Variants in KIF5C observed in about 807,000 individuals in gnomAD.
KIF5C encodes the protein kinesin family member 5C.
In KIF5C, 18 loss-of-function variants were observed where a neutral mutation model predicts 125.2. The ratio of observed to expected loss-of-function variants is 0.14; its 90% CI spans 0.10 to 0.21. KIF5C has a LOEUF of 0.21. Among genes scored for constraint, KIF5C ranks in the 10% least tolerant of loss-of-function variants. KIF5C has a pLI of 1.00. For synonymous variants in KIF5C, 405 were observed against 434.0 expected, an observed-to-expected ratio of 0.93 and a Z score of 0.83; for missense variants, 780 against 1,183.8, an observed-to-expected ratio of 0.66 and a Z score of 5.01.
intron 12 of KIF5C, among the ~76,000 whole-genome samples, chr2:148,978,668 A>G (rs1474187109): frequency 6.6e-6 from 1 of 152,188 alleles, no homozygotes; most frequent in Non-Finnish European, 1.5e-5. Context: ...TGATTTCTCA[A>G]TGAGCAGGAA....
intron 19 of KIF5C, chr2:148,998,794 C>T (rs1681755238): frequency 3.4e-6 from 1 of 296,796 alleles, no homozygotes; most frequent in Non-Finnish European, 6.1e-6. Context: ...GGACGCATGC[C>T]CCAGTAGATG....
chr2:148,888,734 T>G (rs1681624838), intron 1 of KIF5C: 1 of 151,882 alleles, frequency 6.6e-6, no homozygotes, highest in African/African-American at 2.4e-5. Flanking sequence ...CCACCCTACA[T>G]CTTCCATTTT....
intron 10 of KIF5C, among the ~76,000 whole-genome samples, chr2:148,956,604 C>CAA (rs1021831382): frequency 6.6e-6 from 1 of 151,974 alleles, no homozygotes; most frequent in African/African-American, 2.4e-5. Flanking sequence ...TGAAGCAAGC[C>CAA]AAAACAAGGA....
chr2:149,017,451 C>T (rs1682397444), intron 25 of KIF5C, among the ~76,000 whole-genome samples: 1 of 152,136 alleles, frequency 6.6e-6, no homozygotes. Flanking sequence ...TTCTTTGCAG[C>T]CCCACACTTA....
chr2:148,893,544 A>G (rs1366557611), intron 1 of KIF5C, among the ~76,000 whole-genome samples: 1 of 152,176 alleles, frequency 6.6e-6, no homozygotes, highest in Non-Finnish European at 1.5e-5. Flanking sequence ...TTCGAGTGCC[A>G]TTCCCATCTA....
chr2:149,003,220 C>G (rs1435427437), intron 21 of KIF5C, among the ~76,000 whole-genome samples: 2 of 152,272 alleles, frequency 1.3e-5, no homozygotes, highest in Non-Finnish European at 2.9e-5. Flanking sequence ...GAAATAGACG[C>G]ACTGTCCTTG....
At position 149,025,313 on chromosome 2, in the gene KIF5C, C is replaced by T. The variant is rs1455078247; in HGVS notation, c.*2243C>T. On this transcript the variant is annotated 3_prime_UTR_variant, in exon 26 of 26. Transcript: ENST00000435030. ...ATCAGCCAGTCAGTTCACCTAGCTT[C>T]AATCTTTATAGGACTTCTAATCTAA... The T allele has an allele frequency of 1.3e-5, 2 of 152,616 alleles. No homozygotes were observed. The highest frequency in any genetic ancestry group is 1.9e-4 in the East Asian group (1 of 5,196). 9.5% of individuals were successfully genotyped at this position (152,616 alleles called of 1,614,324 possible).
At chr2:148,950,587 T>C (rs1022548352) in intron 10 of KIF5C, 125 bp downstream of exon 10, 3 of 1,335,536 alleles carry the variant, frequency 2.2e-6, no homozygotes, top group Non-Finnish European at 2.9e-6. Flanking sequence ...GGCGGGTGGA[T>C]TGCCTGAGGT....
chr2:148,998,494 T>C lies in KIF5C; in HGVS notation c.2195T>C (p.Ile732Thr), dbSNP rs1558940260. The C allele has an allele frequency of 3.2e-6, 5 of 1,557,380 alleles. No homozygotes were observed. Among genetic ancestry groups the C allele is most frequent in the South Asian group, 1.2e-5 (1 of 84,254 alleles). ...RDEIEEKQKIIDEIRDLNQKL... is the reference protein window; with the variant it reads ...RDEIEEKQKITDEIRDLNQKL... ...GAAATTGAGGAGAAGCAGAAAATCA[T>C]TGATGAGATTCGGGAGTGAGTCGGC... Residue 732 changes from isoleucine (I) to threonine (T), a missense_variant, in exon 19 of 26, where the codon ATT becomes ACT. Transcript: ENST00000435030.
intron 1 of KIF5C, among the ~76,000 whole-genome samples, chr2:148,904,002 A>G (rs1257592914): frequency 1.3e-5 from 2 of 152,218 alleles, no homozygotes; most frequent in Non-Finnish European, 2.9e-5. Context: ...GCTACTCGCC[A>G]TAAAATGTGA....
chr2:148,971,998 G>A (rs1680926505), intron 11 of KIF5C, among the ~76,000 whole-genome samples: 2 of 152,050 alleles, frequency 1.3e-5, no homozygotes, highest in East Asian at 1.9e-4. Context: ...GCAATGGCGC[G>A]ATCTCGGCTC....
At chr2:149,008,760 A>G (rs1299499212) in intron 23 of KIF5C, among the ~76,000 whole-genome samples, 2 of 152,158 alleles carry the variant, frequency 1.3e-5, no homozygotes, top group African/African-American at 2.4e-5. Context: ...CCAAGTTTTT[A>G]GACCACATGG....
chr2:149,021,735 T>A (rs10713181), intron 25 of KIF5C, among the ~76,000 whole-genome samples: 105,550 of 146,424 alleles, frequency 0.72, 38,240 homozygotes, highest in South Asian at 0.79. Flanking sequence ...TTTTTTTTTT[T>A]AATCAAAAGA....
chr2:149,019,233 G>C (rs1386474122), intron 25 of KIF5C, among the ~76,000 whole-genome samples: 1 of 152,204 alleles, frequency 6.6e-6, no homozygotes, highest in Non-Finnish European at 1.5e-5. Context: ...GAATGGGGAA[G>C]TTGGGATCAT....
intron 2 of KIF5C, among the ~76,000 whole-genome samples, chr2:148,927,009 AT>A (rs773855722): frequency 3.3e-5 from 5 of 152,064 alleles, no homozygotes; most frequent in Non-Finnish European, 5.9e-5. Flanking sequence ...GAGAAAAAAA[AT>A]AGTGTTCAGT....
chr2:148,953,337 G>C (rs1300305306), intron 10 of KIF5C, among the ~76,000 whole-genome samples: 2 of 152,192 alleles, frequency 1.3e-5, no homozygotes, highest in African/African-American at 4.8e-5. Context: ...GTTTGGATCT[G>C]GTTTGCTTTC....
intron 20 of KIF5C, 46 bp downstream of exon 20, chr2:149,000,570 A>C: frequency 6.4e-7 from 1 of 1,551,278 alleles, no homozygotes; most frequent in African/African-American, 1.4e-5. Flanking sequence ...CATCCCCATG[A>C]TATTCTGGTT....
At chr2:148,929,409 C>A in intron 3 of KIF5C, 55 bp downstream of exon 3, 1 of 1,183,216 alleles carries the variant, frequency 8.5e-7, no homozygotes, top group Non-Finnish European at 1.2e-6. Flanking sequence ...ATGGAACTGA[C>A]GTTTCCAGCA....
intron 1 of KIF5C, among the ~76,000 whole-genome samples, chr2:148,920,471 T>C (rs1681740338): frequency 6.6e-6 from 1 of 152,216 alleles, no homozygotes; most frequent in Non-Finnish European, 1.5e-5. Context: ...ATTCACTAAC[T>C]GAAGGAAACT....
Sources: allele counts gnomAD v4.1 joint callset (sites outside exome capture counted in the v4.1 genomes callset), GRCh38; gene constraint gnomAD v4.1.1; transcripts MANE v1.5; gene names NCBI Gene and HGNC (gene_info 2026-07-23, HGNC 2026-07-21).